The following HECW1 variants were observed in gnomAD, a reference collection of about 807,000 sequenced individuals.
HECW1 encodes HECT, C2 and WW domain containing E3 ubiquitin protein ligase 1, also known as E3 ubiquitin-protein ligase HECW1.
A neutral mutation model predicts 182.3 loss-of-function variants in HECW1; 61 were observed. That is an observed-to-expected ratio of 0.33 (90% CI 0.27 to 0.41). The LOEUF is 0.41. Among genes scored for constraint, HECW1 ranks in the 10% least tolerant of loss-of-function variants. HECW1 has a pLI of 1.00. For synonymous variants in HECW1, 859 were observed against 832.6 expected, an observed-to-expected ratio of 1.03 and a Z score of -0.55; for missense variants, 1,739 against 2,108.9, an observed-to-expected ratio of 0.82 and a Z score of 3.44.
intron 6 of HECW1, 24 bp downstream of exon 6, chr7:43,361,004 G>T: frequency 1.3e-6 from 2 of 1,526,688 alleles, no homozygotes; most frequent in South Asian, 2.3e-5. Flanking sequence ...CTCCGTCTTT[G>T]GTTAGACCTA....
chr7:43,203,912 A>G (rs1300903874), intron 2 of HECW1, among the ~76,000 whole-genome samples: 2 of 152,226 alleles, frequency 1.3e-5, no homozygotes, highest in African/African-American at 2.4e-5. Context: ...ATTATGTAAT[A>G]TCTTGTATTC....
chr7:43,348,932 A>G (rs1376566666), intron 5 of HECW1, among the ~76,000 whole-genome samples: 1 of 152,178 alleles, frequency 6.6e-6, no homozygotes, highest in African/African-American at 2.4e-5. Flanking sequence ...GGCCTATCAT[A>G]TGATCTATCT....
chr7:43,127,864 A>C (rs1045058242), intron 2 of HECW1, among the ~76,000 whole-genome samples: 4 of 151,496 alleles, frequency 2.6e-5, no homozygotes, highest in Non-Finnish European at 4.4e-5. Flanking sequence ...GAAGGTGGCT[A>C]CATTAAAAAT....
At chr7:43,400,162 G>C (rs1207338461) in intron 7 of HECW1, among the ~76,000 whole-genome samples, 1 of 152,186 alleles carries the variant, frequency 6.6e-6, no homozygotes, top group East Asian at 1.9e-4. Context: ...CTTGAGCCCA[G>C]GGGTTAGAGG....
intron 2 of HECW1, among the ~76,000 whole-genome samples, chr7:43,230,253 G>A (rs1044948297): frequency 6.6e-6 from 1 of 152,152 alleles, no homozygotes; most frequent in Non-Finnish European, 1.5e-5. Context: ...AATTAGCTGG[G>A]CATGGTGGCG....
chr7:43,327,343 TC>T (rs1005608201), intron 5 of HECW1, among the ~76,000 whole-genome samples: 1 of 151,898 alleles, frequency 6.6e-6, no homozygotes, highest in African/African-American at 2.4e-5. Flanking sequence ...AAACCAAGAC[TC>T]CCCCCACCGC....
At chr7:43,501,405 G>A (rs2079354528) in intron 21 of HECW1, 83 bp downstream of exon 21, 1 of 745,184 alleles carries the variant, frequency 1.3e-6, no homozygotes, top group Middle Eastern at 3.1e-4. Flanking sequence ...GCAACTGTAT[G>A]TGTGTGTTCT....
intron 12 of HECW1, among the ~76,000 whole-genome samples, chr7:43,454,800 G>T (rs2077345462): frequency 6.6e-6 from 1 of 152,228 alleles, no homozygotes; most frequent in Admixed American, 6.5e-5. Context: ...CAATGAAACT[G>T]TTAGTATCTG....
chr7:43,409,243 C>G (rs998317262), intron 8 of HECW1, among the ~76,000 whole-genome samples: 6 of 152,194 alleles, frequency 3.9e-5, no homozygotes, highest in African/African-American at 1.4e-4. Flanking sequence ...TGGTTATCAA[C>G]AGATTCTAAA....
chr7:43,429,888 A>G (rs1231923538), intron 8 of HECW1, among the ~76,000 whole-genome samples: 1 of 152,230 alleles, frequency 6.6e-6, no homozygotes, highest in Non-Finnish European at 1.5e-5. Flanking sequence ...GCAAAGCTAG[A>G]TGCCAGTCTA....
At chr7:43,327,541 T>A (rs1342872567) in intron 5 of HECW1, among the ~76,000 whole-genome samples, 3 of 152,180 alleles carry the variant, frequency 2.0e-5, no homozygotes, top group Admixed American at 1.3e-4. Context: ...TTAATTCCCC[T>A]CCCTGCTGTC....
At chr7:43,257,192 A>G (rs962866915) in intron 3 of HECW1, among the ~76,000 whole-genome samples, 1 of 152,228 alleles carries the variant, frequency 6.6e-6, no homozygotes, top group South Asian at 2.1e-4. Context: ...TAATATTCCA[A>G]AGTGAGCTAT....
At chr7:43,145,705 T>A (rs938868358) in intron 2 of HECW1, among the ~76,000 whole-genome samples, 1 of 152,210 alleles carries the variant, frequency 6.6e-6, no homozygotes, top group African/African-American at 2.4e-5. Context: ...CCACAAGAGA[T>A]AATTTCAAAC....
In HECW1 at chr7:43,143,464, T is replaced by C. The variant is rs1300998992; in HGVS notation, c.-32+29073T>C. Among the ~76,000 whole-genome samples, 3 of 151,916 alleles carry C rather than the reference T, an allele frequency of 2.0e-5. 1 individual carries two copies. The highest frequency in any genetic ancestry group is 2.9e-5 in the Non-Finnish European group (2 of 67,986). The stretch of plus-strand genomic sequence containing the variant: ...ATGCCTGGCTAATTTTTTTATTTTT[T>C]TGTTAGAGACAGGCTCTCACCATGC... On this transcript the variant is annotated intron_variant, in intron 2 of 29. Transcript: ENST00000395891.
intron 26 of HECW1, among the ~76,000 whole-genome samples, chr7:43,549,977 G>T (rs564895593): frequency 6.6e-6 from 1 of 152,116 alleles, no homozygotes; most frequent in Non-Finnish European, 1.5e-5. Context: ...AAAAACTGTA[G>T]CCTTTCCAAG....
intron 3 of HECW1, among the ~76,000 whole-genome samples, chr7:43,262,537 C>T (rs1253574422): frequency 6.6e-6 from 1 of 152,118 alleles, no homozygotes; most frequent in East Asian, 1.9e-4. Flanking sequence ...TGTTCTTTCC[C>T]TGGTGTTATG....
At chr7:43,533,266 C>T (rs1187876167) in intron 24 of HECW1, among the ~76,000 whole-genome samples, 1 of 152,150 alleles carries the variant, frequency 6.6e-6, no homozygotes, top group Non-Finnish European at 1.5e-5. Flanking sequence ...CTTAAAGGAA[C>T]TTAACCCATG....
At chr7:43,298,077 GA>G (rs1200219767) in intron 3 of HECW1, among the ~76,000 whole-genome samples, 3 of 151,996 alleles carry the variant, frequency 2.0e-5, no homozygotes, top group Non-Finnish European at 4.4e-5. Context: ...TGTTTCTGGG[GA>G]AAAATAGGAA....
chr7:43,465,558 G>T (rs935145315), intron 14 of HECW1, among the ~76,000 whole-genome samples: 2 of 152,194 alleles, frequency 1.3e-5, no homozygotes, highest in Non-Finnish European at 2.9e-5. Context: ...CTGACCCGTT[G>T]TCACTTCTGA....
Sources: allele counts gnomAD v4.1 joint callset (sites outside exome capture counted in the v4.1 genomes callset), GRCh38; gene constraint gnomAD v4.1.1; transcripts MANE v1.5; gene names NCBI Gene and HGNC (gene_info 2026-07-23, HGNC 2026-07-21).